Variants in ST8SIA1 observed in about 807,000 individuals in gnomAD.
ST8SIA1 encodes alpha-N-acetylneuraminide alpha-2,8-sialyltransferase.
A neutral mutation model predicts 35.9 loss-of-function variants in ST8SIA1; 16 were observed. The ratio of observed to expected loss-of-function variants is 0.45; its 90% CI spans 0.30 to 0.68. The LOEUF (loss-of-function observed/expected upper bound fraction) is 0.68, where lower values mean the gene tolerates loss of function less well. ST8SIA1 is among the 30% of genes least tolerant of loss of function. The pLI, the probability that ST8SIA1 is intolerant of heterozygous loss-of-function variation, is 0.09. For synonymous variants in ST8SIA1, 170 were observed against 169.6 expected (o/e 1.00, Z -0.02); for missense variants, 383 against 453.6 (o/e 0.84, Z 1.41).
chr12:22,229,859 G>A (rs1281804227), intron 4 of ST8SIA1, among the ~76,000 whole-genome samples: 6 of 152,110 alleles, frequency 3.9e-5, no homozygotes, highest in African/African-American at 1.4e-4. Context: ...CTGAACTAGT[G>A]GTAGTTCAAC....
chr12:22,228,416 T>G (rs1865381334), intron 4 of ST8SIA1, among the ~76,000 whole-genome samples: 1 of 152,232 alleles, frequency 6.6e-6, no homozygotes, highest in Non-Finnish European at 1.5e-5. Context: ...TTTTCAGTTC[T>G]CTTGTAGATT....
intron 1 of ST8SIA1, among the ~76,000 whole-genome samples, chr12:22,306,731 C>T (rs1183532552): frequency 6.6e-6 from 1 of 152,104 alleles, no homozygotes; most frequent in Non-Finnish European, 1.5e-5. Flanking sequence ...TCCCTTGCAA[C>T]CAGAAAACAG....
At chr12:22,323,639 A>C (rs1866633505) in intron 1 of ST8SIA1, among the ~76,000 whole-genome samples, 1 of 152,378 alleles carries the variant, frequency 6.6e-6, no homozygotes, top group East Asian at 1.9e-4. Context: ...GATAAAGAAA[A>C]TGTGGTACGT....
At chr12:22,225,904 G>T (rs575724291) in intron 4 of ST8SIA1, among the ~76,000 whole-genome samples, 1 of 152,108 alleles carries the variant, frequency 6.6e-6, no homozygotes, top group Non-Finnish European at 1.5e-5. Flanking sequence ...TGAATTGGCC[G>T]TGGGGGCGGC....
intron 1 of ST8SIA1, among the ~76,000 whole-genome samples, chr12:22,298,202 C>G (rs1360798220): frequency 6.6e-6 from 1 of 152,158 alleles, no homozygotes; most frequent in East Asian, 1.9e-4. Context: ...GTATAATAAA[C>G]AGTAAATGTG....
chr12:22,245,881 G>A (rs1177040439), intron 4 of ST8SIA1, among the ~76,000 whole-genome samples: 1 of 152,196 alleles, frequency 6.6e-6, no homozygotes, highest in Non-Finnish European at 1.5e-5. Context: ...AACCTGAAAG[G>A]ACAGGGCTTG....
At chr12:22,332,155 C>A (rs903021481) in intron 1 of ST8SIA1, among the ~76,000 whole-genome samples, 2 of 152,124 alleles carry the variant, frequency 1.3e-5, no homozygotes, top group Admixed American at 1.3e-4. Flanking sequence ...GGTTTTACAG[C>A]CACTAACTTT....
intron 1 of ST8SIA1, among the ~76,000 whole-genome samples, chr12:22,305,379 C>CTT (rs71053397): frequency 1.4e-4 from 19 of 132,962 alleles, no homozygotes; most frequent in African/African-American, 3.8e-4. Flanking sequence ...TTCCAGCATA[C>CTT]TTTTTTTTTT....
chr12:22,277,621 T>G (rs1326814182), intron 2 of ST8SIA1, among the ~76,000 whole-genome samples: 1 of 152,034 alleles, frequency 6.6e-6, no homozygotes, highest in Non-Finnish European at 1.5e-5. Flanking sequence ...CCTGCCTCAG[T>G]CTCCTAAAGT....
At chr12:22,244,933 C>T (rs1232386129) in intron 4 of ST8SIA1, among the ~76,000 whole-genome samples, 1 of 152,056 alleles carries the variant, frequency 6.6e-6, no homozygotes, top group East Asian at 1.9e-4. Context: ...TGACATCTGT[C>T]ATATATACTG....
intron 4 of ST8SIA1, among the ~76,000 whole-genome samples, chr12:22,233,588 G>A (rs1389197361): frequency 7.3e-5 from 11 of 151,316 alleles, no homozygotes; most frequent in East Asian, 1.9e-4. Context: ...CTCTTCTCTC[G>A]CAGTAAAACA....
intron 4 of ST8SIA1, among the ~76,000 whole-genome samples, chr12:22,203,850 C>T (rs1208088512): frequency 6.6e-6 from 1 of 151,814 alleles, no homozygotes; most frequent in Non-Finnish European, 1.5e-5. Context: ...CCATTTGAGC[C>T]ATTGGTTCTC....
intron 2 of ST8SIA1, among the ~76,000 whole-genome samples, chr12:22,271,580 T>A (rs1451322877): frequency 6.6e-6 from 1 of 152,174 alleles, no homozygotes; most frequent in Non-Finnish European, 1.5e-5. Flanking sequence ...AGAAATTACC[T>A]CTACAGTTAT....
chr12:22,209,132 C>G (rs1865148171), intron 4 of ST8SIA1, among the ~76,000 whole-genome samples: 1 of 151,994 alleles, frequency 6.6e-6, no homozygotes, highest in Non-Finnish European at 1.5e-5. Flanking sequence ...AAGTCTTCTA[C>G]AAACATATTT....
At chr12:22,266,054 C>T (rs1016714158) in intron 2 of ST8SIA1, among the ~76,000 whole-genome samples, 2 of 152,148 alleles carry the variant, frequency 1.3e-5, no homozygotes, top group East Asian at 1.9e-4. Context: ...CACCATTTTA[C>T]GCACCTGTGT....
chr12:22,317,584 C>T (rs572945525), intron 1 of ST8SIA1, among the ~76,000 whole-genome samples: 3 of 152,338 alleles, frequency 2.0e-5, no homozygotes, highest in Non-Finnish European at 4.4e-5. Context: ...ACAAGGGTCT[C>T]TCCATAGACT....
intron 2 of ST8SIA1, among the ~76,000 whole-genome samples, chr12:22,266,866 C>CAA (rs1865855211): frequency 2.0e-5 from 3 of 151,878 alleles, no homozygotes; most frequent in East Asian, 3.9e-4. Context: ...CACACACACA[C>CAA]ACACACACAC....
At chr12:22,208,816 G>A (rs1865144040) in intron 4 of ST8SIA1, among the ~76,000 whole-genome samples, 1 of 152,078 alleles carries the variant, frequency 6.6e-6, no homozygotes, top group African/African-American at 2.4e-5. Flanking sequence ...GTCTAAAAAT[G>A]TACCTAAGCA....
rs568223426 is a variant in ST8SIA1, at chr12:22,308,331, A to G, written c.237-21038T>C. Among the ~76,000 whole-genome samples, 3 of 152,358 alleles carry G rather than the reference A, an allele frequency of 2.0e-5. No homozygotes were observed. In the South Asian group the frequency reaches 6.2e-4, roughly 32 times the overall value. ...CAAAGAAGAAATTAAAAGTTAAAAA[A>G]GAACATAACCATACAAAGAAAAATA... On this transcript the variant is annotated intron_variant, in intron 1 of 4. Transcript: ENST00000396037.
Sources: gnomAD v4.1 joint callset for allele counts (sites outside exome capture counted in the v4.1 genomes callset) on GRCh38, gnomAD v4.1.1 for gene constraint, MANE v1.5 for transcripts, NCBI Gene and HGNC (gene_info 2026-07-23, HGNC 2026-07-21) for gene names.